Variants in GFER observed in about 807,000 individuals in gnomAD.
GFER encodes FAD-linked sulfhydryl oxidase ALR.
GFER carries 24 observed loss-of-function variants against 18.2 expected under a neutral mutation model. That is an observed-to-expected ratio of 1.32 (90% CI 0.96 to 1.86). The LOEUF (loss-of-function observed/expected upper bound fraction) is 1.86, where lower values mean the gene tolerates loss of function less well. Among genes scored for constraint, GFER ranks in the 40% most tolerant of loss-of-function variants. GFER has a pLI of 0.00. For missense variants in GFER, 316 were observed against 295.6 expected (o/e 1.07, Z -0.51); for synonymous variants, 138 against 126.9 (o/e 1.09, Z -0.59).
chr16:1,986,141 C>T lies in GFER; in HGVS notation c.*113C>T. ...CCTGTTGTGTCTCAGTTGGGTGGTC[C>T]CCAGGACACTGCCTGTGGGGACCTG... On this transcript the variant is annotated 3_prime_UTR_variant, in exon 3 of 3. Coordinates refer to ENST00000248114, the MANE Select transcript of GFER (RefSeq NM_005262.3). 6 of 1,138,144 alleles carry T rather than the reference C, an allele frequency of 5.3e-6. No homozygotes were observed. Among genetic ancestry groups the T allele is most frequent in the Non-Finnish European group, 7.8e-6 (6 of 769,638 alleles). 70.5% of individuals were successfully genotyped at this position (1,138,144 alleles called of 1,614,324 possible).
chr16:1,985,089 T>A (rs771378387), intron 2 of GFER, 146 bp downstream of exon 2: 4 of 706,114 alleles, frequency 5.7e-6, no homozygotes, highest in Non-Finnish European at 1.0e-5. Flanking sequence ...AGGTGAGGAC[T>A]GGGGCTATCT....
chr16:1,986,369 A>G lies in GFER; in HGVS notation c.*341A>G. On this transcript the variant is annotated 3_prime_UTR_variant, in exon 3 of 3. Transcript: ENST00000248114. ...CGCCTCACTCCTCACACGGGAAGACAGCGGGCCTGGCTGGGCATCCCTGTG... is the reference window on the plus strand; with the variant it reads ...CGCCTCACTCCTCACACGGGAAGACGGCGGGCCTGGCTGGGCATCCCTGTG... 1 of 376,878 alleles carries G rather than the reference A, an allele frequency of 2.7e-6. No homozygotes were observed. Among genetic ancestry groups the G allele is most frequent in the South Asian group, 2.1e-5 (1 of 47,354 alleles). The allele number at this position is 376,878 out of a possible 1,614,324, so 23.3% of individuals were successfully genotyped here.
In GFER at chr16:1,984,480, C is replaced by G. The variant is rs1158224594; in HGVS notation, c.258+4C>G. On this transcript the variant is annotated splice_donor_region_variant and intron_variant, in intron 1 of 2. Transcript: ENST00000248114. ...GTGGATGCGGACGCAGCAGAAGGTG[C>G]AGTTCCCTGCCCGATTTCTCCCAGC... is the stretch of plus-strand genomic sequence containing the variant. 2 of 1,557,440 alleles carry G rather than the reference C, an allele frequency of 1.3e-6. No individual in the cohort carries two copies. The highest frequency in any genetic ancestry group is 2.7e-5 in the African/African-American group (2 of 73,928).
chr16:1,986,225 C>A lies in GFER; in HGVS notation c.*197C>A. ...GGTGCCCACAGCAGGTACCCACTGG[C>A]CCCCTCCTCAGTGGAGACCCCAAGG... On this transcript the variant is annotated 3_prime_UTR_variant, in exon 3 of 3. Coordinates refer to ENST00000248114, the MANE Select transcript of GFER (RefSeq NM_005262.3). 1.6e-6 allele frequency: 1 copy of A among 638,450 alleles called. No individual in the cohort carries two copies. Among genetic ancestry groups the A allele is most frequent in the Non-Finnish European group, 2.8e-6 (1 of 352,338 alleles). 39.5% of individuals were successfully genotyped at this position (638,450 alleles called of 1,614,324 possible).
At chr16:1,985,140 C>T (rs1475324847) in intron 2 of GFER, 197 bp downstream of exon 2, 6 of 647,080 alleles carry the variant, frequency 9.3e-6, no homozygotes, top group Non-Finnish European at 8.4e-6. Flanking sequence ...CTGTCGGGAT[C>T]TGCTGCTGGG....
chr16:1,984,292 A>C lies in GFER; in HGVS notation c.74A>C (p.Glu25Ala). ...LFFLPGGARSEMMDDLATDAR... is the reference protein window; with the variant it reads ...LFFLPGGARSAMMDDLATDAR... ...TTCCTGCCGGGGGGCGCGCGCTCCG[A>C]GATGATGGACGACCTGGCGACCGAC... Residue 25 changes from glutamate to alanine, a missense_variant, in exon 1 of 3, where the codon GAG becomes GCG. Physicochemically the swap from Glu to Ala is moderately radical, Grantham distance 107. Transcript: ENST00000248114. 1 of 1,482,302 alleles carries C rather than the reference A, an allele frequency of 6.7e-7. No homozygotes were observed. 91.8% of individuals were successfully genotyped at this position (1,482,302 alleles called of 1,614,324 possible).
rs752327413 is a variant in GFER at position 1,984,377 on chromosome 16, G to A, written c.159G>A (p.Gln53=). 1.3e-6 allele frequency: 2 copies of A among 1,531,538 alleles called. No homozygotes were observed. The highest frequency in any genetic ancestry group is 1.7e-6 in the Non-Finnish European group (2 of 1,143,484). 94.9% of individuals were successfully genotyped at this position (1,531,538 alleles called of 1,614,324 possible). A position where few individuals can be genotyped will look rare whatever the true frequency, so the allele number is the denominator to read the frequency against. The change falls in exon 1 of 3, where the codon CAG becomes CAA. Residue 53 remains glutamine (Q), a synonymous_variant. Coordinates refer to ENST00000248114, the MANE Select transcript of GFER (RefSeq NM_005262.3). ...DAAASASTPA[Q]APTSDSPVAE... The stretch of plus-strand genomic sequence containing the variant: ...CCGCCTCGGCCTCGACGCCAGCCCA[G>A]GCGCCGACCTCCGATTCTCCTGTCG...
chr16:1,985,335 G>A (rs1176509239), intron 2 of GFER, among the ~76,000 whole-genome samples: 1 of 152,226 alleles, frequency 6.6e-6, no homozygotes, highest in Non-Finnish European at 1.5e-5. Flanking sequence ...CCTCACTGAG[G>A]GATCCAAGAG....
chr16:1,985,940 T>A lies in GFER; in HGVS notation c.530T>A (p.Val177Glu), dbSNP rs201959073. The change falls in exon 3 of 3, where the codon GTG becomes GAG. Residue 177 changes from valine (V) to glutamate (E), a missense_variant. Transcript: ENST00000248114. ...TGGCTGTGCCACCTGCACAATGAAGTGAACCGCAAGCTGGGCAAGCCTGAC... is the reference window on the plus strand; with the variant it reads ...TGGCTGTGCCACCTGCACAATGAAGAGAACCGCAAGCTGGGCAAGCCTGAC... ...TQWLCHLHNE[V>E]NRKLGKPDFD... The A allele has an allele frequency of 6.2e-7, 1 of 1,613,044 alleles. No homozygotes were observed. The highest frequency in any genetic ancestry group is 1.1e-5 in the South Asian group (1 of 91,090).
chr16:1,984,255 G>T lies in GFER; in HGVS notation c.37G>T (p.Gly13Trp). 6.8e-7 allele frequency: 1 copy of T among 1,479,074 alleles called. No individual in the cohort carries two copies. The highest frequency in any genetic ancestry group is 8.9e-7 in the Non-Finnish European group (1 of 1,122,274). 91.6% of individuals were successfully genotyped at this position (1,479,074 alleles called of 1,614,324 possible). ...APGERGRFHG[G>W]NLFFLPGGAR... ...CGGCGAGCGGGGCCGCTTCCACGGC[G>T]GGAACCTCTTCTTCCTGCCGGGGGG... The change falls in exon 1 of 3, where the codon GGG becomes TGG. Residue 13 changes from glycine to tryptophan, a missense_variant. Gly to Trp is a radical substitution (Grantham distance 184). Coordinates refer to ENST00000248114, the MANE Select transcript of GFER (RefSeq NM_005262.3).
Position 1,984,342 on chromosome 16 carries a change from A to C in GFER, c.124A>C (p.Arg42=). The C allele has an allele frequency of 6.7e-7, 1 of 1,503,712 alleles. No homozygotes were observed. The highest frequency in any genetic ancestry group is 8.8e-7 in the Non-Finnish European group (1 of 1,133,672). 93.1% of individuals were successfully genotyped at this position (1,503,712 alleles called of 1,614,324 possible). A position where few individuals can be genotyped will look rare whatever the true frequency, so the allele number is the denominator to read the frequency against. The change falls in exon 1 of 3, where the codon AGA becomes CGA. Residue 42 remains arginine, a synonymous_variant. Coordinates refer to ENST00000248114, the MANE Select transcript of GFER (RefSeq NM_005262.3). ...CGCGCGGGGCCGGGGCGCGGGGCGGAGAGACGCGGCCGCCTCGGCCTCGAC... is the reference window on the plus strand; with the variant it reads ...CGCGCGGGGCCGGGGCGCGGGGCGGCGAGACGCGGCCGCCTCGGCCTCGAC... ...TDARGRGAGR[R]DAAASASTPA...
chr16:1,984,199 G>A lies in GFER; in HGVS notation c.-20G>A, dbSNP rs1236656483. On this transcript the variant is annotated 5_prime_UTR_variant, in exon 1 of 3. Transcript: ENST00000248114. Reference sequence around the variant, plus strand: ...CTCATCTGGAGGCCGAGCTGACCCGGCAGGCCTTGCGCGGGCAACATGGCG... The same window carrying A: ...CTCATCTGGAGGCCGAGCTGACCCGACAGGCCTTGCGCGGGCAACATGGCG... The A allele has an allele frequency of 2.7e-6, 4 of 1,466,570 alleles. No homozygotes were observed. Among genetic ancestry groups the A allele is most frequent in the South Asian group, 2.6e-5 (2 of 76,724 alleles). The allele number at this position is 1,466,570 out of a possible 1,614,324, so 90.8% of individuals were successfully genotyped here. A position where few individuals can be genotyped will look rare whatever the true frequency, so the allele number is the denominator to read the frequency against.
chr16:1,986,248 A>G lies in GFER; in HGVS notation c.*220A>G, dbSNP rs1747637587. The G allele has an allele frequency of 1.7e-6, 1 of 585,052 alleles. No homozygotes were observed. Among genetic ancestry groups the G allele is most frequent in the Admixed American group, 2.6e-5 (1 of 38,218 alleles). 36.2% of individuals were successfully genotyped at this position (585,052 alleles called of 1,614,324 possible). On this transcript the variant is annotated 3_prime_UTR_variant, in exon 3 of 3. Transcript: ENST00000248114. ...GGCCCCCTCCTCAGTGGAGACCCCA[A>G]GGAGCTGCAGCTGAACTGCAGGGGA...
rs2083567103 is a variant in GFER at position 1,986,244 on chromosome 16, C to T, written c.*216C>T. On this transcript the variant is annotated 3_prime_UTR_variant, in exon 3 of 3. Coordinates refer to ENST00000248114, the MANE Select transcript of GFER (RefSeq NM_005262.3). ...CACTGGCCCCCTCCTCAGTGGAGAC[C>T]CCAAGGAGCTGCAGCTGAACTGCAG... The T allele has an allele frequency of 8.4e-6, 5 of 592,696 alleles. No homozygotes were observed. In the South Asian group the frequency reaches 9.2e-5, roughly 11 times the overall value. 36.7% of individuals were successfully genotyped at this position (592,696 alleles called of 1,614,324 possible).
rs989571142 is a variant in GFER, at chr16:1,986,371, C to T, written c.*343C>T. ...CCTCACTCCTCACACGGGAAGACAG[C>T]GGGCCTGGCTGGGCATCCCTGTGCC... is the stretch of plus-strand genomic sequence containing the variant. On this transcript the variant is annotated 3_prime_UTR_variant, in exon 3 of 3. Coordinates refer to ENST00000248114, the MANE Select transcript of GFER (RefSeq NM_005262.3). The T allele has an allele frequency of 5.3e-6, 2 of 374,904 alleles. No individual in the cohort carries two copies. The highest frequency in any genetic ancestry group is 1.0e-5 in the Non-Finnish European group (2 of 192,956). 23.2% of individuals were successfully genotyped at this position (374,904 alleles called of 1,614,324 possible).
chr16:1,984,882 T>C lies in GFER; in HGVS notation c.394T>C (p.Phe132Leu). The C allele has an allele frequency of 6.2e-7, 1 of 1,613,830 alleles. No individual in the cohort carries two copies. The highest frequency in any genetic ancestry group is 1.7e-5 in the Admixed American group (1 of 60,030). ...TPEQQQDMAQ[F>L]IHLFSKFYPC... ...AGAACAGCAGCAAGACATGGCCCAGTTCATACATTTATTTTCTAAGTTTTA... is the reference window on the plus strand; with the variant it reads ...AGAACAGCAGCAAGACATGGCCCAGCTCATACATTTATTTTCTAAGTTTTA... Residue 132 changes from phenylalanine (F) to leucine (L), a missense_variant, in exon 2 of 3, where the codon TTC (phenylalanine) becomes CTC (leucine). Transcript: ENST00000248114.
In GFER at chr16:1,984,799, G is replaced by A. The variant is rs760018110; in HGVS notation, c.311G>A (p.Arg104His). The A allele has an allele frequency of 1.2e-6, 2 of 1,612,732 alleles. No individual in the cohort carries two copies. Among genetic ancestry groups the A allele is most frequent in the Non-Finnish European group, 1.7e-6 (2 of 1,179,958 alleles). ...DCPPDREELG[R>H]HSWAVLHTLA... ...CCGCCGGATCGCGAGGAACTGGGCC[G>A]CCACAGCTGGGCTGTCCTCCACACC... The change falls in exon 2 of 3, where the codon CGC (arginine) becomes CAC (histidine). Residue 104 changes from arginine to histidine, a missense_variant. Arg to His is a conservative substitution (Grantham distance 29). Transcript: ENST00000248114.
At chr16:1,985,114 C>T (rs1427616146) in intron 2 of GFER, 171 bp downstream of exon 2, 1 of 670,750 alleles carries the variant, frequency 1.5e-6, no homozygotes, top group East Asian at 2.7e-5. Context: ...CTCCTCCTCT[C>T]GTCTCAGAAG....
Position 1,986,201 on chromosome 16 carries a change from G to C in GFER, c.*173G>C. ...TCTTAGGTTTGGAGCAGAAGTGGAG[G>C]TGCCCACAGCAGGTACCCACTGGCC... On this transcript the variant is annotated 3_prime_UTR_variant, in exon 3 of 3. Transcript: ENST00000248114. 1.4e-6 allele frequency: 1 copy of C among 704,626 alleles called. No individual in the cohort carries two copies. The highest frequency in any genetic ancestry group is 1.6e-5 in the South Asian group (1 of 63,446). The allele number at this position is 704,626 out of a possible 1,614,324, so 43.6% of individuals were successfully genotyped here.
Sources: gnomAD v4.1 joint callset for allele counts (sites outside exome capture counted in the v4.1 genomes callset) on GRCh38, gnomAD v4.1.1 for gene constraint, MANE v1.5 for transcripts, NCBI Gene and HGNC (gene_info 2026-07-23, HGNC 2026-07-21) for gene names.